Variants in HIRA observed in about 807,000 individuals in gnomAD.
HIRA encodes histone cell cycle regulator.
HIRA carries 13 observed loss-of-function variants against 126.6 expected under a neutral mutation model. The observed-to-expected ratio is 0.10, with a 90% CI of 0.07 to 0.16. The LOEUF (loss-of-function observed/expected upper bound fraction) is 0.16, where lower values mean the gene tolerates loss of function less well. Among genes scored for constraint, HIRA ranks in the 10% least tolerant of loss-of-function variants. HIRA has a pLI of 1.00. For synonymous variants in HIRA, 511 were observed against 520.0 expected (o/e 0.98, Z 0.24); for missense variants, 834 against 1,314.4 (o/e 0.63, Z 5.65).
chr22:19,338,486 G>A (rs1464837876), intron 24 of HIRA, among the ~76,000 whole-genome samples: 2 of 151,122 alleles, frequency 1.3e-5, no homozygotes, highest in Non-Finnish European at 2.9e-5. Context: ...CTCACATCTC[G>A]ATACTAACAT....
intron 24 of HIRA, among the ~76,000 whole-genome samples, chr22:19,346,451 A>G (rs1259945011): frequency 6.6e-6 from 1 of 152,284 alleles, no homozygotes; most frequent in South Asian, 2.1e-4. Context: ...AAAAGACAGT[A>G]AACATACAGA....
At chr22:19,403,759 A>G (rs1307290658) in intron 5 of HIRA, among the ~76,000 whole-genome samples, 1 of 152,216 alleles carries the variant, frequency 6.6e-6, no homozygotes, top group Non-Finnish European at 1.5e-5. Flanking sequence ...CAGATACAAT[A>G]ACCCTGGCTT....
At chr22:19,379,071 A>G (rs1211333563) in intron 13 of HIRA, among the ~76,000 whole-genome samples, 1 of 150,090 alleles carries the variant, frequency 6.7e-6, no homozygotes, top group Non-Finnish European at 1.5e-5. Flanking sequence ...CCCGCCGCCC[A>G]GGCTGGAGTG....
At chr22:19,380,024 G>T (rs1031282105) in intron 13 of HIRA, among the ~76,000 whole-genome samples, 4 of 151,798 alleles carry the variant, frequency 2.6e-5, no homozygotes, top group African/African-American at 9.7e-5. Context: ...TGGCCAGGAT[G>T]GTCTTGATCT....
rs1386826149 is a variant in HIRA at position 19,431,637 on chromosome 22, C to A, written c.-161G>T. 2.9e-6 allele frequency: 2 copies of A among 697,596 alleles called. No individual in the cohort carries two copies. Among genetic ancestry groups the A allele is most frequent in the Non-Finnish European group, 3.7e-6 (2 of 546,900 alleles). 43.2% of individuals were successfully genotyped at this position (697,596 alleles called of 1,614,324 possible). A position where few individuals can be genotyped will look rare whatever the true frequency, so the allele number is the denominator to read the frequency against. On this transcript the variant is annotated 5_prime_UTR_variant, in exon 1 of 25. Transcript: ENST00000263208. ...CCGCGCCATCGCCGGCCCGCGCCCC[C>A]CTCCGCCGCCACAGCCGCCACCCGC...
rs772039001 is a variant in HIRA at position 19,383,725 on chromosome 22, T to C, written c.1330-20A>G. 3 of 1,596,634 alleles carry C rather than the reference T, an allele frequency of 1.9e-6. No homozygotes were observed. The highest frequency in any genetic ancestry group is 2.2e-5 in the East Asian group (1 of 44,798). On this transcript the variant is annotated intron_variant, in intron 12 of 24. Coordinates refer to ENST00000263208, the MANE Select transcript of HIRA (RefSeq NM_003325.4). ...AAGATTCTGGCAAAGCAGAGTTACA[T>C]AAATGAATGCAAAAGTTTTGGCCAA...
chr22:19,351,581 C>G lies in HIRA; in HGVS notation c.2849-135G>C. Reference sequence around the variant, plus strand: ...GAATAAACACATGCGTATTTTATTGCCTACTATGGGCAAGACGCCCCTGCA... The same window carrying G: ...GAATAAACACATGCGTATTTTATTGGCTACTATGGGCAAGACGCCCCTGCA... On this transcript the variant is annotated intron_variant, in intron 23 of 24. Transcript: ENST00000263208. The surrounding 1 kb of genome is among the most constrained non-coding windows in gnomAD (Gnocchi z 4.8). 1 of 702,432 alleles carries G rather than the reference C, an allele frequency of 1.4e-6. No individual in the cohort carries two copies. The highest frequency in any genetic ancestry group is 2.3e-6 in the Non-Finnish European group (1 of 425,814). The allele number at this position is 702,432 out of a possible 1,614,324, so 43.5% of individuals were successfully genotyped here.
intron 17 of HIRA, 42 bp downstream of exon 17, chr22:19,361,195 T>C (rs998982205): frequency 4.9e-6 from 7 of 1,416,608 alleles, no homozygotes; most frequent in Non-Finnish European, 7.0e-6. Context: ...AGAGAATGTC[T>C]GGGTGTGCCT....
chr22:19,383,431 T>G (rs2089095371), intron 13 of HIRA, among the ~76,000 whole-genome samples, 189 bp downstream of exon 13: 1 of 152,206 alleles, frequency 6.6e-6, no homozygotes, highest in Non-Finnish European at 1.5e-5. Flanking sequence ...GATTCAGGTG[T>G]GCACAAGGGC....
chr22:19,363,689 G>A (rs2088886180), intron 15 of HIRA, among the ~76,000 whole-genome samples: 2 of 152,136 alleles, frequency 1.3e-5, no homozygotes, highest in South Asian at 4.1e-4. Flanking sequence ...CTTGAGGTCA[G>A]GAGTTTGAGA....
chr22:19,421,634 T>C (rs909091009), intron 1 of HIRA, among the ~76,000 whole-genome samples: 3 of 152,198 alleles, frequency 2.0e-5, no homozygotes, highest in Admixed American at 1.3e-4. Flanking sequence ...ACTCTGCCCT[T>C]AGACTGGAAC....
chr22:19,429,914 C>T (rs965380764), intron 1 of HIRA, among the ~76,000 whole-genome samples: 1 of 152,158 alleles, frequency 6.6e-6, no homozygotes, highest in Non-Finnish European at 1.5e-5. Flanking sequence ...TCACAAGCAT[C>T]ATAATTCATA....
At chr22:19,350,268 C>T (rs2088741234) in intron 24 of HIRA, among the ~76,000 whole-genome samples, 1 of 152,180 alleles carries the variant, frequency 6.6e-6, no homozygotes, top group African/African-American at 2.4e-5. Context: ...GCCTTATTCA[C>T]TGCTGCCTGC....
At chr22:19,348,899 C>T (rs999230846) in intron 24 of HIRA, among the ~76,000 whole-genome samples, 1 of 151,992 alleles carries the variant, frequency 6.6e-6, no homozygotes, top group South Asian at 2.1e-4. Context: ...GATTCTCCTG[C>T]CTCAGCCTCC....
intron 15 of HIRA, among the ~76,000 whole-genome samples, chr22:19,367,056 C>T (rs5993615): frequency 1.3e-5 from 2 of 152,322 alleles, no homozygotes; most frequent in African/African-American, 4.8e-5. Flanking sequence ...AGCCACTGCA[C>T]CTGGCCTTTA....
At chr22:19,410,589 C>A in intron 2 of HIRA, 127 bp downstream of exon 2, 2 of 713,664 alleles carry the variant, frequency 2.8e-6, no homozygotes, top group South Asian at 1.7e-5. Flanking sequence ...TATAACTGTA[C>A]ATTTTAAACA....
chr22:19,406,294 T>C (rs5746735), intron 4 of HIRA, among the ~76,000 whole-genome samples: 2 of 152,266 alleles, frequency 1.3e-5, no homozygotes, highest in Non-Finnish European at 2.9e-5. Flanking sequence ...TTTTTTCTTT[T>C]GTATTTTTAG....
chr22:19,409,846 C>T (rs933491453), intron 2 of HIRA, among the ~76,000 whole-genome samples: 6 of 152,212 alleles, frequency 3.9e-5, no homozygotes, highest in African/African-American at 1.4e-4. Flanking sequence ...TCATGTGCTG[C>T]ACCTCCTCCT....
At chr22:19,391,524 C>T (rs2089181921) in intron 9 of HIRA, among the ~76,000 whole-genome samples, 2 of 150,848 alleles carry the variant, frequency 1.3e-5, no homozygotes, top group Admixed American at 1.3e-4. Flanking sequence ...CTCTGTTGCC[C>T]AGGCTGGAGT....
Sources: allele counts gnomAD v4.1 joint callset (sites outside exome capture counted in the v4.1 genomes callset), GRCh38; gene constraint gnomAD v4.1.1; non-coding constraint Gnocchi (gnomAD v3.1); transcripts MANE v1.5; gene names NCBI Gene and HGNC (gene_info 2026-07-23, HGNC 2026-07-21).